ZYG11A: variants seen among roughly 807,000 people sequenced by gnomAD.
The protein encoded by ZYG11A is protein zyg-11 homolog A.
Under a neutral mutation model 77.2 loss-of-function variants are expected in ZYG11A, and 62 were observed. The ratio of observed to expected loss-of-function variants is 0.80; its 90% confidence interval spans 0.65 to 0.99. ZYG11A has a LOEUF of 0.99. Ranked by LOEUF, ZYG11A falls within the 50% of genes least tolerant of loss-of-function variation. The pLI, the probability that ZYG11A is intolerant of heterozygous loss-of-function variation, is 0.00. For missense variants in ZYG11A, 828 were observed against 896.8 expected, an observed-to-expected ratio of 0.92 and a Z score of 0.98; for synonymous variants, 315 against 324.6, an observed-to-expected ratio of 0.97 and a Z score of 0.32.
intron 7 of ZYG11A, 38 bp from the exon 8 acceptor site, chr1:52,867,689 G>A (rs890391638): frequency 1.3e-6 from 2 of 1,550,650 alleles, no homozygotes; most frequent in African/African-American, 2.7e-5. Context: ...TTTTATACAG[G>A]TTCCATAGTT....
At chr1:52,861,832 G>C (rs1645933095) in intron 4 of ZYG11A, among the ~76,000 whole-genome samples, 1 of 152,102 alleles carries the variant, frequency 6.6e-6, no homozygotes, top group Non-Finnish European at 1.5e-5. Context: ...GAGATGGGAG[G>C]ATTTCCTGGG....
intron 2 of ZYG11A, among the ~76,000 whole-genome samples, chr1:52,855,269 T>TA (rs1645789253): frequency 6.6e-6 from 1 of 151,998 alleles, no homozygotes; most frequent in Non-Finnish European, 1.5e-5. Context: ...AGAACTCCAC[T>TA]AAAAAAATAA....
At chr1:52,856,206 T>C (rs1571841777) in intron 2 of ZYG11A, among the ~76,000 whole-genome samples, 1 of 152,180 alleles carries the variant, frequency 6.6e-6, no homozygotes, top group Non-Finnish European at 1.5e-5. Context: ...TAATGACTTA[T>C]GGTGTTGGTA....
At chr1:52,874,678 C>T (rs1646231015) in intron 8 of ZYG11A, among the ~76,000 whole-genome samples, 1 of 152,034 alleles carries the variant, frequency 6.6e-6, no homozygotes. Context: ...ACCAGCCTGG[C>T]CAACATGGCG....
At chr1:52,858,253 C>T (rs1265725273) in intron 3 of ZYG11A, among the ~76,000 whole-genome samples, 1 of 149,550 alleles carries the variant, frequency 6.7e-6, no homozygotes, top group Non-Finnish European at 1.5e-5. Context: ...AAAAATTAGC[C>T]GGTGTGTTGG....
chr1:52,877,658 C>G, intron 8 of ZYG11A, 24 bp from the exon 9 acceptor site: 2 of 1,536,194 alleles, frequency 1.3e-6, no homozygotes, highest in Non-Finnish European at 1.8e-6. Context: ...CATCTAACTC[C>G]CTCCCTGTCT....
Position 52,881,488 on chromosome 1 carries a change from C to A in ZYG11A, c.1767C>A (p.Val589=). ...ACCTGTAGAACAACATAGCAGAAGTCAGAGAGCTCTCTTCCAAGCTGGTGA... is the reference window on the plus strand; with the variant it reads ...ACCTGTAGAACAACATAGCAGAAGTAAGAGAGCTCTCTTCCAAGCTGGTGA... ...VLGLLNNIAE[V]RELSSKLVTE... The change falls in exon 11 of 14, where the codon GTC becomes GTA. Residue 589 remains valine (V), a synonymous_variant. Transcript: ENST00000371528. 1.3e-6 allele frequency: 2 copies of A among 1,550,358 alleles called. No individual in the cohort carries two copies. The highest frequency in any genetic ancestry group is 2.4e-5 in the South Asian group (2 of 83,750).
rs1302291506 is a variant in ZYG11A at position 52,867,718 on chromosome 1, T to G, written c.1492-9T>G. 1.9e-5 allele frequency: 29 copies of G among 1,551,482 alleles called. No individual in the cohort carries two copies. Among genetic ancestry groups the G allele is most frequent in the Non-Finnish European group, 2.4e-5 (28 of 1,146,960 alleles). ...CATAGTTCACTTGAGCCTTTCTGTTTGCTTATAGCTCTCACCTGAGCAAAC... is the reference window on the plus strand; with the variant it reads ...CATAGTTCACTTGAGCCTTTCTGTTGGCTTATAGCTCTCACCTGAGCAAAC... On this transcript the variant is annotated splice_polypyrimidine_tract_variant and intron_variant, in intron 7 of 13. Transcript: ENST00000371528.
chr1:52,878,868 G>A (rs535195805), intron 10 of ZYG11A, among the ~76,000 whole-genome samples: 1 of 148,330 alleles, frequency 6.7e-6, no homozygotes, highest in South Asian at 2.2e-4. Flanking sequence ...GAACCTGGGA[G>A]GTAGAGATTG....
chr1:52,847,571 A>G (rs1645615270), intron 1 of ZYG11A, among the ~76,000 whole-genome samples: 1 of 151,544 alleles, frequency 6.6e-6, no homozygotes, highest in Admixed American at 6.6e-5. Context: ...AGCTGGCGAC[A>G]AGTTGTCTCT....
Position 52,854,569 on chromosome 1 carries a change from G to T in ZYG11A, c.195G>T (p.Pro65=). The part of the protein sequence containing the change: ...SERPDGTLCL[P]EHWSFPQEVA... Reference sequence around the variant, plus strand: ...GACCTGATGGAACACTGTGCCTTCCGGAGCATTGGAGTTTCCCTCAGGAAG... The same window carrying T: ...GACCTGATGGAACACTGTGCCTTCCTGAGCATTGGAGTTTCCCTCAGGAAG... Residue 65 remains proline, a synonymous_variant, in exon 2 of 14, where the codon CCG becomes CCT. Transcript: ENST00000371528. 1.3e-6 allele frequency: 2 copies of T among 1,549,922 alleles called. No homozygotes were observed. The highest frequency in any genetic ancestry group is 8.7e-7 in the Non-Finnish European group (1 of 1,145,638).
In ZYG11A at chr1:52,891,458, T is replaced by C. The variant is rs554343915; in HGVS notation, c.2105-1324T>C. ...GGATTGGCGTGTCCCTGAGGCGGTT[T>C]TGTATTCGCTTCTGTGAAGTGCTCC... On this transcript the variant is annotated intron_variant, in intron 13 of 13. Coordinates refer to ENST00000371528, the MANE Select transcript of ZYG11A (RefSeq NM_001004339.3). Among the ~76,000 whole-genome samples the C allele has an allele frequency of 2.0e-5, 3 of 152,022 alleles. No individual in the cohort carries two copies. In the South Asian group the frequency reaches 6.2e-4, roughly 32 times the overall value.
chr1:52,890,084 C>A (rs1159365578), intron 13 of ZYG11A, among the ~76,000 whole-genome samples: 22 of 148,132 alleles, frequency 1.5e-4, no homozygotes, highest in African/African-American at 5.3e-4. Flanking sequence ...TTTTTTAACC[C>A]CCACCACTCC....
intron 4 of ZYG11A, among the ~76,000 whole-genome samples, chr1:52,863,491 G>C (rs1399107504): frequency 1.3e-5 from 2 of 152,060 alleles, no homozygotes; most frequent in Non-Finnish European, 2.9e-5. Flanking sequence ...CTCTCTCAAT[G>C]AGTTCTTCTG....
intron 6 of ZYG11A, 35 bp from the exon 7 acceptor site, chr1:52,867,504 A>G (rs1646047644): frequency 2.2e-6 from 3 of 1,367,914 alleles, no homozygotes; most frequent in South Asian, 1.3e-5. Flanking sequence ...CAAACTTTAT[A>G]TATAATTGTG....
chr1:52,860,825 TCA>T lies in ZYG11A; in HGVS notation c.1106_1107del (p.Thr369ArgfsTer94), dbSNP rs1645914440. ...GTGAAGGAAGCCCTCCACAGGCTGT[TCA>T]CAGAGACATTTTCAATGGAGGTAAC... is the stretch of plus-strand genomic sequence containing the variant. On this transcript the variant is annotated frameshift_variant, in exon 4 of 14. Transcript: ENST00000371528. LOFTEE classifies it high-confidence loss of function. 2 of 1,551,730 alleles carry T rather than the reference TCA, an allele frequency of 1.3e-6. No homozygotes were observed. The highest frequency in any genetic ancestry group is 2.4e-5 in the East Asian group (1 of 40,928).
chr1:52,844,594 A>G (rs1645527148), intron 1 of ZYG11A, among the ~76,000 whole-genome samples: 1 of 152,002 alleles, frequency 6.6e-6, no homozygotes, highest in Non-Finnish European at 1.5e-5. Context: ...AATTATTTCC[A>G]TTTATGTCAT....
intron 1 of ZYG11A, among the ~76,000 whole-genome samples, chr1:52,851,918 T>A (rs1409121028): frequency 6.7e-6 from 1 of 149,834 alleles, no homozygotes; most frequent in Non-Finnish European, 1.5e-5. Flanking sequence ...TTCCTAATTT[T>A]TTTTTTTTTT....
chr1:52,866,328 T>C (rs1438546345), intron 5 of ZYG11A, among the ~76,000 whole-genome samples, 175 bp from the exon 6 acceptor site: 1 of 152,158 alleles, frequency 6.6e-6, no homozygotes, highest in African/African-American at 2.4e-5. Context: ...CCTACTCAAG[T>C]CTTCATTCCT....
Sources: allele counts gnomAD v4.1 joint callset (sites outside exome capture counted in the v4.1 genomes callset), GRCh38; gene constraint gnomAD v4.1.1; transcripts MANE v1.5; gene names NCBI Gene and HGNC (gene_info 2026-07-23, HGNC 2026-07-21).